Variants in SCLT1 observed in about 807,000 individuals in gnomAD.
SCLT1 encodes the protein sodium channel and clathrin linker 1.
SCLT1 carries 78 observed loss-of-function variants against 112.8 expected under a neutral mutation model. That is an observed-to-expected ratio of 0.69 (90% CI 0.58 to 0.83). The LOEUF is 0.83. SCLT1 is among the 40% of genes least tolerant of loss of function. The pLI is 0.00. For missense variants in SCLT1, 747 were observed against 770.4 expected (o/e 0.97, Z 0.36); for synonymous variants, 257 against 254.7 (o/e 1.01, Z -0.09).
intron 5 of SCLT1, among the ~76,000 whole-genome samples, chr4:129,030,203 G>T (rs892417616): frequency 2.0e-5 from 3 of 152,150 alleles, no homozygotes; most frequent in Admixed American, 6.5e-5. Flanking sequence ...ACCTGTTCCT[G>T]AATGACTACT....
chr4:129,073,027 T>A (rs1410658896), intron 2 of SCLT1, among the ~76,000 whole-genome samples: 2 of 152,184 alleles, frequency 1.3e-5, no homozygotes, highest in Non-Finnish European at 2.9e-5. Context: ...CCTTTTTCTA[T>A]GGATGTGGTT....
chr4:129,010,151 T>C (rs998160761), intron 5 of SCLT1, among the ~76,000 whole-genome samples: 4 of 152,180 alleles, frequency 2.6e-5, no homozygotes, highest in African/African-American at 4.8e-5. Context: ...TAGCCAGTTA[T>C]CTCAGCACCA....
At position 128,992,508 on chromosome 4, in the gene SCLT1, C is replaced by A. The variant is rs143023273; in HGVS notation, c.616-271G>T. Among the ~76,000 whole-genome samples, 121 of 152,008 alleles carry A rather than the reference C, an allele frequency of 8.0e-4. No individual in the cohort carries two copies. The East Asian group carries it at 0.023, about 28-fold the overall frequency. On this transcript the variant is annotated intron_variant, in intron 8 of 20. Transcript: ENST00000281142. ...TCTTTTGCTCATCTATCCACCTGGG[C>A]ATAAAGCTATAAGTGTTATAGAACT...
chr4:128,929,271 A>T (rs1668870937), intron 18 of SCLT1, among the ~76,000 whole-genome samples: 1 of 152,236 alleles, frequency 6.6e-6, no homozygotes, highest in Non-Finnish European at 1.5e-5. Flanking sequence ...TAAGATTTCT[A>T]CAAGGAAATG....
intron 4 of SCLT1, chr4:128,875,231 G>A (rs1732481041): frequency 6.5e-6 from 1 of 152,696 alleles, no homozygotes; most frequent in African/African-American, 2.4e-5. Flanking sequence ...TACATTTTAA[G>A]TGTCTTTTGA....
At chr4:129,022,983 G>A (rs1217300768) in intron 5 of SCLT1, among the ~76,000 whole-genome samples, 1 of 152,166 alleles carries the variant, frequency 6.6e-6, no homozygotes, top group Non-Finnish European at 1.5e-5. Context: ...CAGACTGGGG[G>A]CCAATATCCA....
At chr4:129,046,251 G>A (rs1450840953) in intron 2 of SCLT1, among the ~76,000 whole-genome samples, 1 of 151,970 alleles carries the variant, frequency 6.6e-6, no homozygotes, top group African/African-American at 2.4e-5. Context: ...GGACAGTTCT[G>A]ATACACACAA....
intron 7 of SCLT1, 105 bp downstream of exon 7, chr4:128,999,567 T>C: frequency 3.0e-6 from 2 of 656,782 alleles, no homozygotes; most frequent in Non-Finnish European, 5.0e-6. Flanking sequence ...TGATTAGAAA[T>C]TCTAAATGCT....
intron 18 of SCLT1, among the ~76,000 whole-genome samples, chr4:128,928,043 T>C (rs1367581606): frequency 1.3e-5 from 2 of 151,954 alleles, no homozygotes; most frequent in Non-Finnish European, 2.9e-5. Flanking sequence ...ACTATGTCAA[T>C]GAAGAAATAT....
chr4:128,897,731 T>A (rs1314440330), intron 18 of SCLT1, among the ~76,000 whole-genome samples: 1 of 152,070 alleles, frequency 6.6e-6, no homozygotes, highest in Non-Finnish European at 1.5e-5. Flanking sequence ...GGCTGGCAAA[T>A]TGGATAAAGA....
chr4:129,019,723 C>T (rs1246802355), intron 5 of SCLT1, among the ~76,000 whole-genome samples: 1 of 151,790 alleles, frequency 6.6e-6, no homozygotes, highest in Non-Finnish European at 1.5e-5. Flanking sequence ...TGCCTCACCT[C>T]ACCTGACAGA....
At chr4:128,877,852 T>G (rs1560794366) in intron 3 of SCLT1, among the ~76,000 whole-genome samples, 1 of 152,226 alleles carries the variant, frequency 6.6e-6, no homozygotes, top group Non-Finnish European at 1.5e-5. Flanking sequence ...AGCAGGATAG[T>G]CTGCTTACAG....
At chr4:129,079,230 GT>G (rs1162991316) in intron 2 of SCLT1, among the ~76,000 whole-genome samples, 3 of 151,910 alleles carry the variant, frequency 2.0e-5, no homozygotes, top group Non-Finnish European at 1.5e-5. Flanking sequence ...CTCCTCAACA[GT>G]CCCCCAAGTC....
chr4:128,907,108 G>C (rs1214309613), intron 18 of SCLT1, among the ~76,000 whole-genome samples: 1 of 138,436 alleles, frequency 7.2e-6, no homozygotes, highest in East Asian at 2.5e-4. Flanking sequence ...AGTTCAGCAT[G>C]AATGAGATAC....
At chr4:128,975,369 G>T (rs1283128491) in intron 9 of SCLT1, among the ~76,000 whole-genome samples, 1 of 151,880 alleles carries the variant, frequency 6.6e-6, no homozygotes, top group Non-Finnish European at 1.5e-5. Flanking sequence ...ACTTTGTTAA[G>T]CAAAATTTAA....
chr4:129,046,562 T>C (rs1254192337), intron 2 of SCLT1, among the ~76,000 whole-genome samples: 1 of 152,124 alleles, frequency 6.6e-6, no homozygotes, highest in Non-Finnish European at 1.5e-5. Flanking sequence ...TATGCCACAA[T>C]ATATTTATGC....
intron 8 of SCLT1, among the ~76,000 whole-genome samples, chr4:128,996,607 A>G (rs950939514): frequency 6.6e-6 from 1 of 152,128 alleles, no homozygotes; most frequent in Admixed American, 6.6e-5. Flanking sequence ...TATTCATTAT[A>G]TACATTAAGA....
intron 4 of SCLT1, among the ~76,000 whole-genome samples, chr4:128,876,090 TTTTC>T (rs547765510): frequency 3.3e-5 from 5 of 152,308 alleles, no homozygotes; most frequent in South Asian, 2.1e-4. Flanking sequence ...AAATGCACCT[TTTTC>T]TTTATGTTGG....
At chr4:128,881,883 G>A (rs931258642), downstream of SCLT1, among the ~76,000 whole-genome samples, 1 of 152,156 alleles carries the variant, frequency 6.6e-6, no homozygotes, top group Non-Finnish European at 1.5e-5. Flanking sequence ...AAATTCAACA[G>A]AGGTCAGAAA....
Sources: allele counts gnomAD v4.1 joint callset (sites outside exome capture counted in the v4.1 genomes callset), GRCh38; gene constraint gnomAD v4.1.1; transcripts MANE v1.5; gene names NCBI Gene and HGNC (gene_info 2026-07-23, HGNC 2026-07-21).